DNAH9: variants seen among roughly 807,000 people sequenced by gnomAD.
DNAH9 encodes dynein axonemal heavy chain 9, also known as DNAH9 variant protein.
In DNAH9, 345 loss-of-function variants were observed where a neutral mutation model predicts 471.6. The observed-to-expected ratio is 0.73, with a 90% CI of 0.67 to 0.80. The LOEUF is 0.80. DNAH9 is among the 30% of genes least tolerant of loss of function. The pLI, the probability that DNAH9 is intolerant of heterozygous loss-of-function variation, is 0.00. For synonymous variants in DNAH9, 2,093 were observed against 2,123.6 expected (o/e 0.99, Z 0.40); for missense variants, 5,407 against 5,609.2 (o/e 0.96, Z 1.15).
At chr17:11,895,184 C>T (rs894320924) in intron 59 of DNAH9, among the ~76,000 whole-genome samples, 1 of 152,126 alleles carries the variant, frequency 6.6e-6, no homozygotes, top group African/African-American at 2.4e-5. Flanking sequence ...AGATCACAAA[C>T]TATAAGGTTC....
rs1423865039 is a variant in DNAH9, at chr17:11,933,991, C to T, written c.12409C>T (p.Pro4137Ser). 6.2e-7 allele frequency: 1 copy of T among 1,614,152 alleles called. No homozygotes were observed. The highest frequency in any genetic ancestry group is 8.5e-7 in the Non-Finnish European group (1 of 1,180,024). ...AACCTACCTGGGGGAATTCATTCGA[C>T]CAGAAATGTTAGAAGGAGAACTGTC... is the stretch of plus-strand genomic sequence containing the variant. ...CRTYLGEFIR[P>S]EMLEGELSLA... The change falls in exon 65 of 69, where the codon CCA becomes TCA. Residue 4137 changes from proline (P) to serine (S), a missense_variant. This residue lies in a region of DNAH9 where 4,636 missense variants were observed against 4,900.3 expected (regional missense o/e 0.95). Transcript: ENST00000262442.
rs150923372 is a variant in DNAH9, at chr17:11,690,178, G to C, written c.4356G>C (p.Glu1452Asp). Residue 1452 changes from glutamate (E) to aspartate (D), a missense_variant, in exon 20 of 69, where the codon GAG becomes GAC. Coordinates refer to ENST00000262442, the MANE Select transcript of DNAH9 (RefSeq NM_001372.4). Reference sequence around the variant, plus strand: ...GGGCTGGCATGGAATTCCAGTATGAGCCCCACCCACGGACCAATGTCCCCC... The same window carrying C: ...GGGCTGGCATGGAATTCCAGTATGACCCCCACCCACGGACCAATGTCCCCC... Reference protein sequence around the residue: ...TTWAGMEFQYEPHPRTNVPLL... With the variant: ...TTWAGMEFQYDPHPRTNVPLL... The C allele has an allele frequency of 3.1e-6, 5 of 1,614,230 alleles. No individual in the cohort carries two copies. The highest frequency in any genetic ancestry group is 4.2e-6 in the Non-Finnish European group (5 of 1,180,052).
Position 11,742,233 on chromosome 17 carries a change from G to A in DNAH9, c.6031G>A (p.Glu2011Lys). ...ELICEIMLVA[E>K]GFIEAQSLAR... ...GATCTGTGAAATCATGCTGGTGGCA[G>A]AAGGATTCATTGAAGCCCAGTCATT... The change falls in exon 30 of 69, where the codon GAA (glutamate) becomes AAA (lysine). Residue 2011 changes from glutamate to lysine, a missense_variant. Glu to Lys is a moderately conservative substitution (Grantham distance 56). Coordinates refer to ENST00000262442, the MANE Select transcript of DNAH9 (RefSeq NM_001372.4). 1 of 1,614,074 alleles carries A rather than the reference G, an allele frequency of 6.2e-7. No homozygotes were observed. Among genetic ancestry groups the A allele is most frequent in the Non-Finnish European group, 8.5e-7 (1 of 1,179,948 alleles).
chr17:11,639,046 C>G lies in DNAH9; in HGVS notation c.1787-1224C>G, dbSNP rs544817226. ...GCCACCAGCCAGAGAAAACATTCTG[C>G]TTTTAAGGCCTCACCTGATTAGGTC... On this transcript the variant is annotated intron_variant, in intron 9 of 68. Coordinates refer to ENST00000262442, the MANE Select transcript of DNAH9 (RefSeq NM_001372.4). Among the ~76,000 whole-genome samples the G allele has an allele frequency of 8.5e-5, 13 of 152,346 alleles. 1 individual carries two copies. In the South Asian group the frequency reaches 2.7e-3, roughly 32 times the overall value.
intron 43 of DNAH9, among the ~76,000 whole-genome samples, chr17:11,803,872 T>A (rs773469664): frequency 1.3e-5 from 2 of 152,172 alleles, no homozygotes; most frequent in African/African-American, 2.4e-5. Context: ...CTGCCCCAAC[T>A]TTTCTGAATC....
At chr17:11,741,321 A>C (rs2075430112) in intron 29 of DNAH9, among the ~76,000 whole-genome samples, 1 of 152,246 alleles carries the variant, frequency 6.6e-6, no homozygotes, top group Non-Finnish European at 1.5e-5. Flanking sequence ...AAAGCCTTCT[A>C]TAAATCCCTT....
intron 26 of DNAH9, among the ~76,000 whole-genome samples, chr17:11,706,817 CAT>C (rs2074710559): frequency 6.6e-6 from 1 of 152,122 alleles, no homozygotes; most frequent in Admixed American, 6.5e-5. Flanking sequence ...TACTGATAAA[CAT>C]TGCTGGAAAA....
At chr17:11,852,148 C>T (rs114709527) in intron 49 of DNAH9, among the ~76,000 whole-genome samples, 1,876 of 152,274 alleles carry the variant, frequency 0.012, 38 homozygotes, top group African/African-American at 0.042. Context: ...TACTTCCATT[C>T]GGAGCTAGAA....
At chr17:11,715,704 A>G (rs1177952122) in intron 26 of DNAH9, among the ~76,000 whole-genome samples, 1 of 152,228 alleles carries the variant, frequency 6.6e-6, no homozygotes, top group African/African-American at 2.4e-5. Flanking sequence ...CAGCAAATTT[A>G]TCTAAGTTTC....
chr17:11,788,891 C>A (rs970754194), intron 41 of DNAH9, among the ~76,000 whole-genome samples: 1 of 151,884 alleles, frequency 6.6e-6, no homozygotes, highest in African/African-American at 2.4e-5. Context: ...GTACCTTTTA[C>A]CTGATTAAGG....
In DNAH9 at chr17:11,610,616, G is replaced by C. The variant is rs1367175799; in HGVS notation, c.773+62G>C. On this transcript the variant is annotated intron_variant, in intron 3 of 68. Coordinates refer to ENST00000262442, the MANE Select transcript of DNAH9 (RefSeq NM_001372.4). Reference sequence around the variant, plus strand: ...AGATGTCTTACAGAGACTAAAGCTAGAGCTTTCCTGGGTTAAGCCACCATT... The same window carrying C: ...AGATGTCTTACAGAGACTAAAGCTACAGCTTTCCTGGGTTAAGCCACCATT... The C allele has an allele frequency of 3.9e-6, 6 of 1,530,618 alleles. No individual in the cohort carries two copies. In the Admixed American group the frequency reaches 1.1e-4, roughly 28 times the overall value. 94.8% of individuals were successfully genotyped at this position (1,530,618 alleles called of 1,614,324 possible). A position where few individuals can be genotyped will look rare whatever the true frequency, so the allele number is the denominator to read the frequency against.
intron 48 of DNAH9, among the ~76,000 whole-genome samples, chr17:11,833,512 G>A (rs1186231553): frequency 6.6e-6 from 1 of 152,168 alleles, no homozygotes; most frequent in Non-Finnish European, 1.5e-5. Context: ...GAAGTCTGAT[G>A]TTCTATGTGA....
At position 11,745,966 on chromosome 17, in the gene DNAH9, A is replaced by G. The variant is rs535719531; in HGVS notation, c.6399+882A>G. On this transcript the variant is annotated intron_variant, in intron 31 of 68. Coordinates refer to ENST00000262442, the MANE Select transcript of DNAH9 (RefSeq NM_001372.4). Reference sequence around the variant, plus strand: ...AGAGGATCAATTTAGGTTATCCAACATGTTACCAGTAAGAATTCTAGAAAA... The same window carrying G: ...AGAGGATCAATTTAGGTTATCCAACGTGTTACCAGTAAGAATTCTAGAAAA... Among the ~76,000 whole-genome samples the G allele has an allele frequency of 2.6e-5, 4 of 152,362 alleles. No homozygotes were observed. The South Asian group carries it at 6.2e-4, about 24-fold the overall frequency.
intron 19 of DNAH9, among the ~76,000 whole-genome samples, chr17:11,681,436 C>T (rs1486500032): frequency 6.6e-6 from 1 of 152,178 alleles, no homozygotes; most frequent in Non-Finnish European, 1.5e-5. Context: ...GCCCACGCTG[C>T]ACATACTTGG....
chr17:11,950,785 T>G (rs1975335565), intron 67 of DNAH9, among the ~76,000 whole-genome samples: 1 of 152,124 alleles, frequency 6.6e-6, no homozygotes, highest in Non-Finnish European at 1.5e-5. Flanking sequence ...TAACACAGAG[T>G]GAGCTGTTGA....
intron 31 of DNAH9, 145 bp downstream of exon 31, chr17:11,745,229 C>G: frequency 2.8e-6 from 2 of 703,682 alleles, no homozygotes; most frequent in Non-Finnish European, 4.7e-6. Context: ...ATTTCAACCA[C>G]TCTTAACTGG....
intron 45 of DNAH9, among the ~76,000 whole-genome samples, chr17:11,815,489 A>G (rs577663097): frequency 1.3e-5 from 2 of 152,198 alleles, no homozygotes; most frequent in Admixed American, 6.5e-5. Context: ...AAAAGGGTCT[A>G]TCTCAACTAT....
chr17:11,715,041 G>C (rs547243634), intron 26 of DNAH9, among the ~76,000 whole-genome samples: 4 of 152,174 alleles, frequency 2.6e-5, no homozygotes, highest in Non-Finnish European at 5.9e-5. Flanking sequence ...CACTGAGTGC[G>C]TGGTAATTTG....
At chr17:11,670,974 A>C (rs143505725) in intron 17 of DNAH9, among the ~76,000 whole-genome samples, 30 of 152,278 alleles carry the variant, frequency 2.0e-4, no homozygotes, top group African/African-American at 7.2e-4. Context: ...AAGTGCTGGG[A>C]TTACAGGTGT....
Sources: allele counts gnomAD v4.1 joint callset (sites outside exome capture counted in the v4.1 genomes callset), GRCh38; gene constraint gnomAD v4.1.1; regional missense constraint gnomAD v4.1.1; transcripts MANE v1.5; gene names NCBI Gene and HGNC (gene_info 2026-07-23, HGNC 2026-07-21).